Variants in RBFOX1 observed in about 807,000 individuals in gnomAD.
The protein encoded by RBFOX1 is RNA binding fox-1 homolog 1.
Under a neutral mutation model 57.7 loss-of-function variants are expected in RBFOX1, and 8 were observed. That is an observed-to-expected ratio of 0.14 (90% CI 0.08 to 0.25). RBFOX1 has a LOEUF of 0.25. Ranked by LOEUF, RBFOX1 falls within the 10% of genes least tolerant of loss-of-function variation. RBFOX1 has a pLI of 1.00. For missense variants in RBFOX1, 611 were observed against 548.5 expected (o/e 1.11, Z -1.14); for synonymous variants, 326 against 222.4 (o/e 1.47, Z -4.15).
chr16:6,384,700 A>G (rs2152922738), intron 2 of RBFOX1, among the ~76,000 whole-genome samples: 1 of 152,344 alleles, frequency 6.6e-6, no homozygotes, highest in Admixed American at 6.5e-5. Flanking sequence ...ATGTGTGAAC[A>G]AGTTTATAAG....
chr16:6,946,991 C>G (rs1598066030), intron 3 of RBFOX1, among the ~76,000 whole-genome samples: 1 of 152,140 alleles, frequency 6.6e-6, no homozygotes, highest in South Asian at 2.1e-4. Context: ...TGACCAGTTT[C>G]CTAGCCCTGT....
chr16:7,517,611 A>G (rs1339578436), intron 4 of RBFOX1, among the ~76,000 whole-genome samples: 2 of 151,966 alleles, frequency 1.3e-5, no homozygotes, highest in Non-Finnish European at 2.9e-5. Context: ...GGGACCATTA[A>G]AAGGATACTC....
intron 1 of RBFOX1, among the ~76,000 whole-genome samples, chr16:5,241,230 C>A (rs1312160565): frequency 6.6e-6 from 1 of 152,186 alleles, no homozygotes; most frequent in Non-Finnish European, 1.5e-5. Context: ...ATCCTCATCT[C>A]CCCGTGCACG....
chr16:7,223,762 C>G (rs2092908008), intron 4 of RBFOX1, among the ~76,000 whole-genome samples: 1 of 149,148 alleles, frequency 6.7e-6, no homozygotes, highest in African/African-American at 2.4e-5. Context: ...AGGTGGATTT[C>G]TGGCAAAGTT....
chr16:5,631,215 G>A (rs1279983035), intron 3 of RBFOX1, among the ~76,000 whole-genome samples: 2 of 152,216 alleles, frequency 1.3e-5, no homozygotes, highest in Non-Finnish European at 2.9e-5. Flanking sequence ...GGTGGCTGAT[G>A]TTACTGGTCA....
chr16:6,645,284 C>T (rs2098524590), intron 2 of RBFOX1, among the ~76,000 whole-genome samples: 1 of 152,210 alleles, frequency 6.6e-6, no homozygotes, highest in African/African-American at 2.4e-5. Flanking sequence ...GTCACATTCA[C>T]AGGCACTAGG....
Position 6,607,112 on chromosome 16 carries a change from C to T in RBFOX1, c.-63-47491C>T, listed in dbSNP as rs561906903. Among the ~76,000 whole-genome samples the T allele has an allele frequency of 1.5e-3, 228 of 152,254 alleles. 1 individual carries two copies. Among genetic ancestry groups the T allele is most frequent in the African/African-American group, 5.2e-3 (216 of 41,546 alleles). On this transcript the variant is annotated intron_variant, in intron 2 of 15. Coordinates refer to ENST00000550418, the MANE Select transcript of RBFOX1 (RefSeq NM_018723.4). ...CCTTCCAAACCTACTGACTAATAGT[C>T]CCTGAGAGTGGAAGTCAGCACTCTG...
At chr16:7,155,106 C>G (rs939936541) in intron 4 of RBFOX1, among the ~76,000 whole-genome samples, 4 of 152,102 alleles carry the variant, frequency 2.6e-5, no homozygotes, top group Admixed American at 6.5e-5. Context: ...TCCAAAGCCT[C>G]TTGTTTCAGA....
intron 1 of RBFOX1, among the ~76,000 whole-genome samples, chr16:6,238,331 C>T (rs11639844): frequency 0.19 from 28,805 of 151,966 alleles, 3,278 homozygotes; most frequent in African/African-American, 0.32. Context: ...TGCCCTTAAT[C>T]CAGGAACCTC....
intron 4 of RBFOX1, among the ~76,000 whole-genome samples, chr16:5,877,623 T>C (rs1177565017): frequency 2.0e-5 from 3 of 152,242 alleles, no homozygotes; most frequent in African/African-American, 4.8e-5. Context: ...GCAGCTTTTA[T>C]TGAAGCATCA....
At chr16:6,059,980 G>C (rs1361057186) in intron 1 of RBFOX1, among the ~76,000 whole-genome samples, 1 of 152,074 alleles carries the variant, frequency 6.6e-6, no homozygotes, top group Non-Finnish European at 1.5e-5. Context: ...CTCAGGAAGT[G>C]GGGAGGATTC....
intron 3 of RBFOX1, chr16:6,704,937 A>G (rs1307391299): frequency 6.6e-6 from 1 of 152,130 alleles, no homozygotes; most frequent in Non-Finnish European, 1.5e-5. Context: ...AACGGATCGC[A>G]CTTATCCAAG....
At position 5,974,949 on chromosome 16, in the gene RBFOX1, G is replaced by A. The variant is rs189663062; in HGVS notation, c.351+107614G>A. On this transcript the variant is annotated intron_variant, in intron 4 of 19. Transcript: ENST00000641259. Reference sequence around the variant, plus strand: ...CTGGAACCTAGGAGACGGAGGTTGCGGTGAGCAGAGAACACGCCTTTGCAC... The same window carrying A: ...CTGGAACCTAGGAGACGGAGGTTGCAGTGAGCAGAGAACACGCCTTTGCAC... Among the ~76,000 whole-genome samples, 600 of 151,762 alleles carry A rather than the reference G, an allele frequency of 4.0e-3. 2 individuals carry two copies. The highest frequency in any genetic ancestry group is 6.9e-3 in the Middle Eastern group (2 of 290).
chr16:6,815,445 A>G (rs1359038806), intron 3 of RBFOX1, among the ~76,000 whole-genome samples: 2 of 152,154 alleles, frequency 1.3e-5, no homozygotes, highest in Non-Finnish European at 2.9e-5. Flanking sequence ...CTCTGGTTCA[A>G]ACACCTCTGA....
At chr16:6,474,117 T>C (rs1316668102) in intron 2 of RBFOX1, among the ~76,000 whole-genome samples, 7 of 152,194 alleles carry the variant, frequency 4.6e-5, no homozygotes, top group Admixed American at 6.5e-5. Flanking sequence ...CAGTGTCCAT[T>C]TGTGTATGCA....
chr16:5,351,563 G>A (rs918260836), intron 1 of RBFOX1, among the ~76,000 whole-genome samples: 3 of 152,196 alleles, frequency 2.0e-5, no homozygotes, highest in African/African-American at 7.2e-5. Context: ...AACTCAAGGT[G>A]TTATGAAGGT....
intron 4 of RBFOX1, among the ~76,000 whole-genome samples, chr16:7,158,288 G>A (rs1212634532): frequency 6.6e-6 from 1 of 152,160 alleles, no homozygotes; most frequent in Non-Finnish European, 1.5e-5. Context: ...GGAGGTTGCA[G>A]TGAGCTGAGA....
intron 2 of RBFOX1, among the ~76,000 whole-genome samples, chr16:6,352,217 T>C (rs1457061206): frequency 6.6e-6 from 1 of 152,188 alleles, no homozygotes; most frequent in East Asian, 1.9e-4. Flanking sequence ...CTCTTATCCT[T>C]ATCTGGAATG....
At chr16:5,394,247 C>T (rs1360114637) in intron 1 of RBFOX1, among the ~76,000 whole-genome samples, 1 of 152,166 alleles carries the variant, frequency 6.6e-6, no homozygotes, top group East Asian at 1.9e-4. Context: ...TGATCTCAAA[C>T]TCCTGAACTC....
Sources: allele counts gnomAD v4.1 joint callset (sites outside exome capture counted in the v4.1 genomes callset), GRCh38; gene constraint gnomAD v4.1.1; transcripts MANE v1.5; gene names NCBI Gene and HGNC (gene_info 2026-07-23, HGNC 2026-07-21).